The following RBFOX1 variants were observed in gnomAD, a reference collection of about 807,000 sequenced individuals.
RBFOX1 encodes the protein RNA binding protein fox-1 homolog 1.
A neutral mutation model predicts 57.7 loss-of-function variants in RBFOX1; 8 were observed. That is an observed-to-expected ratio of 0.14 (90% CI 0.08 to 0.25). The LOEUF (loss-of-function observed/expected upper bound fraction) is 0.25, where lower values mean the gene tolerates loss of function less well. Ranked by LOEUF, RBFOX1 falls within the 10% of genes least tolerant of loss-of-function variation. RBFOX1 has a pLI of 1.00. For synonymous variants in RBFOX1, 326 were observed against 222.4 expected (o/e 1.47, Z -4.15); for missense variants, 611 against 548.5 (o/e 1.11, Z -1.14).
At chr16:5,320,838 G>C (rs1231220036) in intron 1 of RBFOX1, among the ~76,000 whole-genome samples, 2 of 152,134 alleles carry the variant, frequency 1.3e-5, no homozygotes, top group African/African-American at 4.8e-5. Context: ...CCCTAGGCAC[G>C]AGGGGGTTCT....
At chr16:7,710,194 G>A in intron 15 of RBFOX1, 1 of 1,029,146 alleles carries the variant, frequency 9.7e-7, no homozygotes, top group Middle Eastern at 4.7e-4. Flanking sequence ...GTAAGAAGTA[G>A]GTTGAGATTT....
At chr16:6,691,411 T>C (rs757155606) in intron 3 of RBFOX1, among the ~76,000 whole-genome samples, 2 of 152,218 alleles carry the variant, frequency 1.3e-5, no homozygotes, top group Non-Finnish European at 2.9e-5. Flanking sequence ...CTTGTCACTT[T>C]CAACACCTAT....
At chr16:5,773,018 AG>A (rs2054031078) in intron 3 of RBFOX1, among the ~76,000 whole-genome samples, 1 of 152,094 alleles carries the variant, frequency 6.6e-6, no homozygotes. Flanking sequence ...GAAATGGGCA[AG>A]GGGAAAAGGA....
chr16:6,389,047 C>T (rs1357002240), intron 2 of RBFOX1, among the ~76,000 whole-genome samples: 2 of 152,180 alleles, frequency 1.3e-5, no homozygotes, highest in Non-Finnish European at 2.9e-5. Context: ...CTAGTAAATT[C>T]CCTTTTTTTA....
intron 1 of RBFOX1, among the ~76,000 whole-genome samples, chr16:5,459,699 C>G (rs549973780): frequency 3.9e-5 from 6 of 152,128 alleles, no homozygotes; most frequent in African/African-American, 1.2e-4. Flanking sequence ...AACCCTTCCT[C>G]CCCGACTCAC....
intron 2 of RBFOX1, among the ~76,000 whole-genome samples, chr16:6,492,351 T>A (rs1282607908): frequency 6.6e-6 from 1 of 152,106 alleles, no homozygotes; most frequent in Non-Finnish European, 1.5e-5. Flanking sequence ...AGGAGGATCA[T>A]GAGGTCAGGA....
intron 5 of RBFOX1, among the ~76,000 whole-genome samples, chr16:7,579,402 G>A (rs751709013): frequency 2.0e-5 from 3 of 151,766 alleles, no homozygotes; most frequent in African/African-American, 7.3e-5. Context: ...TGAGGTTCTC[G>A]CTCCCCACCT....
chr16:7,466,885 C>A (rs766103101), intron 4 of RBFOX1, among the ~76,000 whole-genome samples: 1 of 152,090 alleles, frequency 6.6e-6, no homozygotes, highest in East Asian at 1.9e-4. Flanking sequence ...GGTAGAATGA[C>A]CAGGAATGGT....
At chr16:5,305,648 A>G (rs2063914759) in intron 1 of RBFOX1, among the ~76,000 whole-genome samples, 1 of 152,218 alleles carries the variant, frequency 6.6e-6, no homozygotes, top group African/African-American at 2.4e-5. Context: ...AGTCTGCTGA[A>G]GAAGAAATGG....
chr16:7,250,897 A>C (rs1413867798), intron 4 of RBFOX1, among the ~76,000 whole-genome samples: 1 of 152,198 alleles, frequency 6.6e-6, no homozygotes, highest in Non-Finnish European at 1.5e-5. Flanking sequence ...TTTTGAATTG[A>C]CAAAGATGGT....
intron 3 of RBFOX1, among the ~76,000 whole-genome samples, chr16:6,814,923 G>C (rs1287315923): frequency 1.3e-5 from 2 of 152,156 alleles, no homozygotes; most frequent in Non-Finnish European, 2.9e-5. Context: ...ATGAAAGCAA[G>C]TTTTTTAAGA....
chr16:7,419,936 T>TTC lies in RBFOX1; in HGVS notation c.28-98210_28-98209insCT, dbSNP rs1555885220. Reference sequence around the variant, plus strand: ...TTCTTTCTTTCTTCCTTTTTTTTTTTTTTTTTTTAATTGTTTTGGTTGGAA... The same window carrying TTC: ...TTCTTTCTTTCTTCCTTTTTTTTTTTTCTTTTTTTTAATTGTTTTGGTTGGAA... On this transcript the variant is annotated intron_variant, in intron 4 of 15. Coordinates refer to ENST00000550418, the MANE Select transcript of RBFOX1 (RefSeq NM_018723.4). Among the ~76,000 whole-genome samples, 90 of 109,014 alleles carry TTC rather than the reference T, an allele frequency of 8.3e-4. No homozygotes were observed. In the Middle Eastern group the frequency reaches 0.012, roughly 15 times the overall value. 71.5% of individuals were successfully genotyped at this position (109,014 alleles called of 152,430 possible). A position where few individuals can be genotyped will look rare whatever the true frequency, so the allele number is the denominator to read the frequency against.
intron 3 of RBFOX1, among the ~76,000 whole-genome samples, chr16:5,621,338 C>G (rs994966873): frequency 5.3e-5 from 8 of 152,274 alleles, no homozygotes; most frequent in Admixed American, 1.3e-4. Flanking sequence ...ACAAATATGT[C>G]TCACATTCTG....
At chr16:7,030,606 T>G (rs1016341858) in intron 3 of RBFOX1, among the ~76,000 whole-genome samples, 1 of 152,188 alleles carries the variant, frequency 6.6e-6, no homozygotes, top group East Asian at 1.9e-4. Flanking sequence ...ATTTCGTATG[T>G]GGACACTCCC....
At chr16:6,826,081 C>G (rs560901191) in intron 3 of RBFOX1, among the ~76,000 whole-genome samples, 3 of 152,100 alleles carry the variant, frequency 2.0e-5, no homozygotes, top group African/African-American at 7.2e-5. Context: ...CGTTCATTGC[C>G]CAGGTCTCCC....
chr16:6,876,199 A>G (rs1032417577), intron 3 of RBFOX1, among the ~76,000 whole-genome samples: 3 of 152,036 alleles, frequency 2.0e-5, no homozygotes, highest in Non-Finnish European at 2.9e-5. Flanking sequence ...AAAACAAAGC[A>G]AAGCAAAACA....
At chr16:6,582,461 A>ATT (rs5815331) in intron 2 of RBFOX1, among the ~76,000 whole-genome samples, 4,461 of 146,888 alleles carry the variant, frequency 0.03, 163 homozygotes, top group African/African-American at 0.084. Context: ...GTTAGCGCCA[A>ATT]TTTTTTTTTT....
intron 4 of RBFOX1, among the ~76,000 whole-genome samples, chr16:7,259,474 G>C (rs1350821500): frequency 6.6e-6 from 1 of 151,544 alleles, no homozygotes; most frequent in Non-Finnish European, 1.5e-5. Context: ...GCAGCCATTT[G>C]CATTTAATGG....
intron 2 of RBFOX1, among the ~76,000 whole-genome samples, chr16:6,511,440 C>G (rs1245163502): frequency 6.6e-6 from 1 of 152,148 alleles, no homozygotes; most frequent in Non-Finnish European, 1.5e-5. Context: ...TGCTCTGTTC[C>G]TAGGCCCTGG....
Sources: gnomAD v4.1 joint callset for allele counts (sites outside exome capture counted in the v4.1 genomes callset) on GRCh38, gnomAD v4.1.1 for gene constraint, MANE v1.5 for transcripts, NCBI Gene and HGNC (gene_info 2026-07-23, HGNC 2026-07-21) for gene names.